DLG2: variants seen among roughly 807,000 people sequenced by gnomAD.
DLG2 encodes the protein discs large MAGUK scaffold protein 2.
DLG2 carries 45 observed loss-of-function variants against 132.5 expected under a neutral mutation model. The observed-to-expected ratio is 0.34, with a 90% confidence interval of 0.27 to 0.44. The LOEUF is 0.44. Ranked by LOEUF, DLG2 falls within the 20% of genes least tolerant of loss-of-function variation. DLG2 has a pLI of 1.00. For synonymous variants in DLG2, 424 were observed against 419.6 expected, an observed-to-expected ratio of 1.01 and a Z score of -0.13; for missense variants, 1,045 against 1,196.9, an observed-to-expected ratio of 0.87 and a Z score of 1.87.
At chr11:85,121,008 T>C (rs2074244185) in intron 5 of DLG2, among the ~76,000 whole-genome samples, 1 of 152,082 alleles carries the variant, frequency 6.6e-6, no homozygotes, top group African/African-American at 2.4e-5. Flanking sequence ...ATAGTGCTGG[T>C]GTCATCTGTG....
chr11:85,120,727 A>G (rs2074203320), intron 5 of DLG2, among the ~76,000 whole-genome samples: 1 of 152,076 alleles, frequency 6.6e-6, no homozygotes, highest in Admixed American at 6.6e-5. Flanking sequence ...ACAAAAATCA[A>G]AATTCTTGCT....
intron 3 of DLG2, among the ~76,000 whole-genome samples, chr11:85,409,212 T>C (rs1237650809): frequency 1.3e-5 from 2 of 151,838 alleles, no homozygotes; most frequent in Non-Finnish European, 1.5e-5. Context: ...ACAAATAGGG[T>C]ACAGAGTAAT....
At chr11:85,551,204 GATAGTATAC>G (rs1467790990) in intron 3 of DLG2, among the ~76,000 whole-genome samples, 1 of 152,006 alleles carries the variant, frequency 6.6e-6, no homozygotes, top group Non-Finnish European at 1.5e-5. Context: ...ATACTGAGTA[GATAGTATAC>G]ATACTTCAAA....
chr11:84,554,689 T>G (rs1359857270), intron 6 of DLG2, among the ~76,000 whole-genome samples: 1 of 151,844 alleles, frequency 6.6e-6, no homozygotes, highest in Non-Finnish European at 1.5e-5. Context: ...GAGGTTGCGG[T>G]GAGCTGAGAC....
chr11:83,780,040 T>C (rs2094748122), intron 18 of DLG2, among the ~76,000 whole-genome samples: 2 of 152,182 alleles, frequency 1.3e-5, no homozygotes, highest in Admixed American at 1.3e-4. Context: ...GATCCACAGC[T>C]GGACTTTAAA....
intron 7 of DLG2, among the ~76,000 whole-genome samples, chr11:84,357,810 A>C (rs972862309): frequency 1.3e-5 from 2 of 152,056 alleles, no homozygotes; most frequent in Non-Finnish European, 2.9e-5. Flanking sequence ...AAATAAAAAC[A>C]AATTATTTTT....
At chr11:84,685,719 T>G (rs2099737511) in intron 6 of DLG2, among the ~76,000 whole-genome samples, 1 of 152,178 alleles carries the variant, frequency 6.6e-6, no homozygotes, top group Admixed American at 6.5e-5. Context: ...ATCCTTTTTT[T>G]TTTTGAGACG....
intron 7 of DLG2, among the ~76,000 whole-genome samples, chr11:84,478,083 A>C (rs926505818): frequency 6.6e-6 from 1 of 152,224 alleles, no homozygotes; most frequent in Non-Finnish European, 1.5e-5. Context: ...TCATGCTCTT[A>C]GCCTCTCTAA....
chr11:84,036,150 G>C (rs971655300), intron 11 of DLG2, among the ~76,000 whole-genome samples: 11 of 152,058 alleles, frequency 7.2e-5, no homozygotes, highest in African/African-American at 2.7e-4. Context: ...AGAAGAGGTT[G>C]ATAGAGAAAT....
chr11:84,312,591 G>A (rs1036879145), intron 7 of DLG2, among the ~76,000 whole-genome samples: 1 of 151,994 alleles, frequency 6.6e-6, no homozygotes, highest in South Asian at 2.1e-4. Flanking sequence ...TGGTTCCTCT[G>A]TATTCTGAAT....
intron 4 of DLG2, among the ~76,000 whole-genome samples, chr11:85,169,530 G>A (rs947902859): frequency 6.6e-6 from 1 of 152,130 alleles, no homozygotes; most frequent in Admixed American, 6.6e-5. Context: ...ATGAGGGAAT[G>A]TAGGCAATTT....
chr11:85,608,346 TTCTC>T (rs371657114), intron 2 of DLG2, among the ~76,000 whole-genome samples: 2 of 150,852 alleles, frequency 1.3e-5, no homozygotes, highest in Non-Finnish European at 3.0e-5. Flanking sequence ...GGCCCCATTA[TTCTC>T]TCTCTCTCTC....
intron 3 of DLG2, among the ~76,000 whole-genome samples, chr11:85,333,134 G>A (rs1242677752): frequency 6.6e-6 from 1 of 152,010 alleles, no homozygotes; most frequent in Non-Finnish European, 1.5e-5. Flanking sequence ...TTCAGCAAGT[G>A]TTCTCATTGC....
intron 7 of DLG2, among the ~76,000 whole-genome samples, chr11:84,427,776 T>C (rs1009411869): frequency 6.6e-6 from 1 of 152,118 alleles, no homozygotes; most frequent in Non-Finnish European, 1.5e-5. Context: ...TCAAATCACA[T>C]AGATCTGCAC....
chr11:84,526,410 T>C (rs1380603659), intron 7 of DLG2, among the ~76,000 whole-genome samples: 1 of 152,152 alleles, frequency 6.6e-6, no homozygotes, highest in Non-Finnish European at 1.5e-5. Context: ...GTCCAGGTCT[T>C]GGGAGCTTAC....
intron 6 of DLG2, among the ~76,000 whole-genome samples, chr11:84,913,594 T>C (rs547813069): frequency 3.5e-4 from 53 of 152,248 alleles, no homozygotes; most frequent in Non-Finnish European, 5.4e-4. Context: ...TCTTATCACA[T>C]AGTATGAGCA....
chr11:84,305,821 G>GA (rs1372516367), intron 7 of DLG2, among the ~76,000 whole-genome samples: 1 of 151,952 alleles, frequency 6.6e-6, no homozygotes, highest in Non-Finnish European at 1.5e-5. Flanking sequence ...GAATAATATT[G>GA]AAAAAACAGA....
chr11:85,332,367 C>A lies in DLG2; in HGVS notation c.41-47002G>T, dbSNP rs1188280265. Among the ~76,000 whole-genome samples the A allele has an allele frequency of 2.0e-5, 3 of 152,156 alleles. 1 individual carries two copies. Among genetic ancestry groups the A allele is most frequent in the Admixed American group, 2.0e-4 (3 of 15,272 alleles). Reference sequence around the variant, plus strand: ...TTGTTTATAGATCCTGGCTATTAGACCTCTGTTGAATGCACAGATTGCAAA... The same window carrying A: ...TTGTTTATAGATCCTGGCTATTAGAACTCTGTTGAATGCACAGATTGCAAA... On this transcript the variant is annotated intron_variant, in intron 3 of 27. Transcript: ENST00000376104.
chr11:84,666,588 A>C (rs2099699986), intron 6 of DLG2, among the ~76,000 whole-genome samples: 1 of 152,080 alleles, frequency 6.6e-6, no homozygotes, highest in South Asian at 2.1e-4. Flanking sequence ...CTCATCAGCA[A>C]AACAATTTGA....
Sources: allele counts gnomAD v4.1 joint callset (sites outside exome capture counted in the v4.1 genomes callset), GRCh38; gene constraint gnomAD v4.1.1; transcripts MANE v1.5; gene names NCBI Gene and HGNC (gene_info 2026-07-23, HGNC 2026-07-21).